KRT17: variants seen among roughly 807,000 people sequenced by gnomAD.
The protein encoded by KRT17 is keratin, type I cytoskeletal 17.
Under a neutral mutation model 45.6 loss-of-function variants are expected in KRT17, and 29 were observed. That is an observed-to-expected ratio of 0.64 (90% CI 0.47 to 0.87). KRT17 has a LOEUF of 0.87. KRT17 is among the 40% of genes least tolerant of loss of function. The pLI, the probability that KRT17 is intolerant of heterozygous loss-of-function variation, is 0.00. For synonymous variants in KRT17, 219 were observed against 234.6 expected (o/e 0.93, Z 0.61); for missense variants, 536 against 577.8 (o/e 0.93, Z 0.74).
chr17:41,622,120 C>A, intron 3 of KRT17: 1 of 620,228 alleles, frequency 1.6e-6, no homozygotes, highest in Non-Finnish European at 2.9e-6. Context: ...GTAGAGGGAG[C>A]CTCTGCAGGC....
In KRT17 at chr17:41,624,354, G is replaced by T; in HGVS notation, c.156C>A (p.Leu52=). The change falls in exon 1 of 8, where the codon CTC becomes CTA. Residue 52 remains leucine, a synonymous_variant. Coordinates refer to ENST00000311208, the MANE Select transcript of KRT17 (RefSeq NM_000422.3). ...AGCAGCTGGAGTAGCTGCTACCCCC[G>T]AGGGTGCTGCCCAGGCCGCCAGCAG... ...LGSAGGLGST[L]GGSSYSSCYS... 6.2e-7 allele frequency: 1 copy of T among 1,611,460 alleles called. No individual in the cohort carries two copies. The highest frequency in any genetic ancestry group is 8.5e-7 in the Non-Finnish European group (1 of 1,179,796).
rs891352129 is a variant in KRT17, at chr17:41,622,028, A to C, written c.673-274T>G. ...GTTCCCCTCTAATTTCCAAGCTTCT[A>C]TGTAGATGTTCAGCTTTGAGAGTTT... is the stretch of plus-strand genomic sequence containing the variant. On this transcript the variant is annotated intron_variant, in intron 3 of 7. Coordinates refer to ENST00000311208, the MANE Select transcript of KRT17 (RefSeq NM_000422.3). 4 of 595,630 alleles carry C rather than the reference A, an allele frequency of 6.7e-6. No individual in the cohort carries two copies. In the African/African-American group the frequency reaches 7.5e-5, roughly 11 times the overall value. 36.9% of individuals were successfully genotyped at this position (595,630 alleles called of 1,614,324 possible).
chr17:41,623,001 A>T lies in KRT17; in HGVS notation c.464T>A (p.Ile155Asn). 1 of 1,613,400 alleles carries T rather than the reference A, an allele frequency of 6.2e-7. No individual in the cohort carries two copies. Among genetic ancestry groups the T allele is most frequent in the South Asian group, 1.1e-5 (1 of 91,054 alleles). ...ACGGGCATTGTCAATCTGTAGCAGG[A>T]TGTTGGCATTGTCCACGGTGGCTGT... ...ILTATVDNAN[I>N]LLQIDNARLA... Residue 155 changes from isoleucine to asparagine, a missense_variant, in exon 2 of 8, where the codon ATC becomes AAC. Physicochemically the swap from Ile to Asn is moderately radical, Grantham distance 149. Coordinates refer to ENST00000311208, the MANE Select transcript of KRT17 (RefSeq NM_000422.3).
At chr17:41,620,337 A>G in intron 7 of KRT17, 199 bp downstream of exon 7, 1 of 984,808 alleles carries the variant, frequency 1.0e-6, no homozygotes, top group Non-Finnish European at 1.2e-6. Flanking sequence ...TCCCTGCCCC[A>G]CCCCCATCAG....
Position 41,619,547 on chromosome 17 carries a change from C to A in KRT17, c.*47G>T. 1 of 1,611,466 alleles carries A rather than the reference C, an allele frequency of 6.2e-7. No individual in the cohort carries two copies. The highest frequency in any genetic ancestry group is 8.5e-7 in the Non-Finnish European group (1 of 1,179,756). On this transcript the variant is annotated 3_prime_UTR_variant, in exon 8 of 8. Transcript: ENST00000311208. The stretch of plus-strand genomic sequence containing the variant: ...GCCGGAGACTGTGGGGCAGATGGGG[C>A]GGCTGCCTCCCTGCCTCCTGGGTGG...
rs1404075529 is a variant in KRT17, at chr17:41,623,044, G to T, written c.433-12C>A. The T allele has an allele frequency of 6.2e-7, 1 of 1,608,144 alleles. No homozygotes were observed. Among genetic ancestry groups the T allele is most frequent in the Non-Finnish European group, 8.5e-7 (1 of 1,174,874 alleles). ...GTGGCTGTGAGGATCTGAGGAGAAG[G>T]GAGAGTAGTCAGGTCATTGGATGGG... is the stretch of plus-strand genomic sequence containing the variant. On this transcript the variant is annotated splice_polypyrimidine_tract_variant and intron_variant, in intron 1 of 7. Transcript: ENST00000311208.
chr17:41,622,746 T>G, intron 2 of KRT17: 4 of 704,968 alleles, frequency 5.7e-6, no homozygotes, highest in Non-Finnish European at 1.0e-5. Flanking sequence ...CCTCCTTCTC[T>G]TCTATTCCCT....
rs750279151 is a variant in KRT17, at chr17:41,624,443, C to T, written c.67G>A (p.Gly23Ser). The T allele has an allele frequency of 2.4e-5, 39 of 1,610,164 alleles. No individual in the cohort carries two copies. Among genetic ancestry groups the T allele is most frequent in the African/African-American group, 1.5e-4 (11 of 74,848 alleles). ...AGCCGGCAGGAGGTGCGGGACGAGCCGCCCCCCAGGCCGGAGGAGCCCTTG... is the reference window on the plus strand; with the variant it reads ...AGCCGGCAGGAGGTGCGGGACGAGCTGCCCCCCAGGCCGGAGGAGCCCTTG... Reference protein sequence around the residue: ...SIKGSSGLGGGSSRTSCRLSG... With the variant: ...SIKGSSGLGGSSSRTSCRLSG... The change falls in exon 1 of 8, where the codon GGC becomes AGC. Residue 23 changes from glycine (G) to serine (S), a missense_variant. Gly to Ser is a moderately conservative substitution (Grantham distance 56). Coordinates refer to ENST00000311208, the MANE Select transcript of KRT17 (RefSeq NM_000422.3).
chr17:41,620,150 C>A (rs1393045031), intron 7 of KRT17: 28 of 985,238 alleles, frequency 2.8e-5, no homozygotes, highest in Non-Finnish European at 3.4e-5. Flanking sequence ...GGACAAGGAC[C>A]ATGTCCCTAT....
In KRT17 at chr17:41,622,452, C is replaced by A. The variant is rs767434042; in HGVS notation, c.575G>T (p.Arg192Met). ...SVEADINGLR[R>M]VLDELTLARA... ...GGCCAGGGTCAGCTCATCCAGCACCCTGCGCAGGCCATTGATGTCGGCCTC... is the reference window on the plus strand; with the variant it reads ...GGCCAGGGTCAGCTCATCCAGCACCATGCGCAGGCCATTGATGTCGGCCTC... Residue 192 changes from arginine to methionine, a missense_variant, in exon 3 of 8, where the codon AGG becomes ATG. Arg to Met is a moderately conservative substitution (Grantham distance 91). Coordinates refer to ENST00000311208, the MANE Select transcript of KRT17 (RefSeq NM_000422.3). 6 of 1,614,112 alleles carry A rather than the reference C, an allele frequency of 3.7e-6. No homozygotes were observed. Among genetic ancestry groups the A allele is most frequent in the Non-Finnish European group, 5.1e-6 (6 of 1,180,052 alleles).
In KRT17 at chr17:41,620,390, A is replaced by G. The variant is rs568186447; in HGVS notation, c.1204+146T>C. ...TCATTTGATCTTTTCCTGAGTATCA[A>G]TCCTCAGTGCTAATGAGTCACTTCT... On this transcript the variant is annotated intron_variant, in intron 7 of 7. Coordinates refer to ENST00000311208, the MANE Select transcript of KRT17 (RefSeq NM_000422.3). 360 of 1,583,790 alleles carry G rather than the reference A, an allele frequency of 2.3e-4. 3 individuals are homozygous for G. In the Admixed American group the frequency reaches 3.5e-3, roughly 15 times the overall value.
At chr17:41,621,993 G>A in intron 3 of KRT17, 1 of 614,622 alleles carries the variant, frequency 1.6e-6, no homozygotes, top group Non-Finnish European at 2.9e-6. Flanking sequence ...TTAGGCCTAT[G>A]CCCCCAAAAG....
rs1218892088 is a variant in KRT17, at chr17:41,624,280, T to C, written c.230A>G (p.Asp77Gly). The change falls in exon 1 of 8, where the codon GAT becomes GGT. Residue 77 changes from aspartate (D) to glycine (G), a missense_variant. Physicochemically the swap from Asp to Gly is moderately conservative, Grantham distance 94. Coordinates refer to ENST00000311208, the MANE Select transcript of KRT17 (RefSeq NM_000422.3). ...GGYGSSFGGV[D>G]GLLAGGEKAT... is the part of the protein sequence containing the mutation. ...CTTCTCACCTCCAGCCAGCAGCCCA[T>C]CAACACCCCCAAAGCTGCTGCCATA... is the stretch of plus-strand genomic sequence containing the variant. 1.9e-6 allele frequency: 3 copies of C among 1,612,298 alleles called. No individual in the cohort carries two copies. The highest frequency in any genetic ancestry group is 2.5e-6 in the Non-Finnish European group (3 of 1,180,002).
rs186396911 is a variant in KRT17 at position 41,621,931 on chromosome 17, A to G, written c.673-177T>C. On this transcript the variant is annotated intron_variant, in intron 3 of 7. Coordinates refer to ENST00000311208, the MANE Select transcript of KRT17 (RefSeq NM_000422.3). The stretch of plus-strand genomic sequence containing the variant: ...TCTGCTCAGTATTGCCTCCACCATC[A>G]GACTCTATCTCCCCCATTAGACCAA... 1.3e-3 allele frequency: 886 copies of G among 694,372 alleles called. 2 individuals carry two copies. Among genetic ancestry groups the G allele is most frequent in the Middle Eastern group, 4.0e-3 (10 of 2,524 alleles). 43.0% of individuals were successfully genotyped at this position (694,372 alleles called of 1,614,324 possible).
At position 41,624,353 on chromosome 17, in the gene KRT17, C is replaced by T. The variant is rs748631498; in HGVS notation, c.157G>A (p.Gly53Arg). The change falls in exon 1 of 8, where the codon GGG becomes AGG. Residue 53 changes from glycine (G) to arginine (R), a missense_variant. Physicochemically the swap from Gly to Arg is moderately radical, Grantham distance 125. Transcript: ENST00000311208. ...TAGCAGCTGGAGTAGCTGCTACCCC[C>T]GAGGGTGCTGCCCAGGCCGCCAGCA... ...GSAGGLGSTL[G>R]GSSYSSCYSF... 5.2e-5 allele frequency: 83 copies of T among 1,611,338 alleles called. No homozygotes were observed. The South Asian group carries it at 5.3e-4, about 10-fold the overall frequency.
At chr17:41,623,365 G>A in intron 1 of KRT17, 1 of 340,004 alleles carries the variant, frequency 2.9e-6, no homozygotes, top group East Asian at 7.0e-5. Context: ...CAAGGGAGGG[G>A]ATGTGGGCAA....
Position 41,624,263 on chromosome 17 carries a change from C to T in KRT17, c.247G>A (p.Gly83Ser), listed in dbSNP as rs1194441798. 2 of 1,612,416 alleles carry T rather than the reference C, an allele frequency of 1.2e-6. No homozygotes were observed. Residue 83 changes from glycine (G) to serine (S), a missense_variant, in exon 1 of 8, where the codon GGT (glycine) becomes AGT (serine). Physicochemically the swap from Gly to Ser is moderately conservative, Grantham distance 56. Transcript: ENST00000311208. ...AGGTTCTGCATGGTGGCCTTCTCAC[C>T]TCCAGCCAGCAGCCCATCAACACCC... is the stretch of plus-strand genomic sequence containing the variant. ...FGGVDGLLAG[G>S]EKATMQNLND...
At chr17:41,621,458 G>A in intron 4 of KRT17, 135 bp downstream of exon 4, 1 of 1,076,296 alleles carries the variant, frequency 9.3e-7, no homozygotes, top group Non-Finnish European at 1.4e-6. Context: ...TGTTGATGCA[G>A]TGGGTGACCC....
chr17:41,622,113 G>A, intron 3 of KRT17: 2 of 616,480 alleles, frequency 3.2e-6, no homozygotes, highest in African/African-American at 1.8e-5. Context: ...AGGGTAGGTA[G>A]AGGGAGCCTC....
Sources: allele counts gnomAD v4.1 joint callset, GRCh38; gene constraint gnomAD v4.1.1; transcripts MANE v1.5; gene names NCBI Gene and HGNC (gene_info 2026-07-23, HGNC 2026-07-21).